The following RNF111 variants were observed in gnomAD, a reference collection of about 807,000 sequenced individuals.
RNF111 encodes the protein E3 ubiquitin-protein ligase Arkadia.
A neutral mutation model predicts 95.1 loss-of-function variants in RNF111; 17 were observed. The observed-to-expected ratio is 0.18, with a 90% CI of 0.12 to 0.27. The LOEUF is 0.27. RNF111 is among the 10% of genes least tolerant of loss of function. RNF111 has a pLI of 1.00. For synonymous variants in RNF111, 440 were observed against 414.8 expected (o/e 1.06, Z -0.74); for missense variants, 1,189 against 1,210.4 (o/e 0.98, Z 0.26).
chr15:59,021,116 T>G (rs1280825131), intron 1 of RNF111, among the ~76,000 whole-genome samples: 1 of 152,158 alleles, frequency 6.6e-6, no homozygotes, highest in African/African-American at 2.4e-5. Flanking sequence ...TATGCCTCTG[T>G]GTCCTCATAG....
chr15:59,007,958 C>T (rs1484829741), intron 1 of RNF111, among the ~76,000 whole-genome samples: 2 of 152,070 alleles, frequency 1.3e-5, no homozygotes, highest in African/African-American at 2.4e-5. Flanking sequence ...CCAGCTTGTC[C>T]TTTTGTTTTC....
intron 1 of RNF111, among the ~76,000 whole-genome samples, chr15:59,009,085 G>A (rs1455537059): frequency 6.6e-6 from 1 of 151,898 alleles, no homozygotes; most frequent in African/African-American, 2.4e-5. Context: ...TCAGCCTCCC[G>A]AGCAGCTGGG....
At chr15:59,020,794 G>A (rs1364042902) in intron 1 of RNF111, among the ~76,000 whole-genome samples, 3 of 152,138 alleles carry the variant, frequency 2.0e-5, no homozygotes, top group African/African-American at 7.2e-5. Context: ...CATAATAGAG[G>A]AAAGTCTGTA....
intron 12 of RNF111, 47 bp from the exon 13 acceptor site, chr15:59,092,490 A>C: frequency 1.3e-6 from 2 of 1,569,042 alleles, no homozygotes; most frequent in Non-Finnish European, 1.7e-6. Flanking sequence ...CAGTTGTTCA[A>C]TAATGTCATC....
intron 2 of RNF111, among the ~76,000 whole-genome samples, chr15:59,034,734 A>G (rs187771827): frequency 6.6e-6 from 1 of 152,366 alleles, no homozygotes; most frequent in African/African-American, 2.4e-5. Context: ...ATGATTTGGC[A>G]AAAAGTCTTA....
At chr15:58,998,346 C>G (rs117878467) in intron 1 of RNF111, among the ~76,000 whole-genome samples, 1 of 151,830 alleles carries the variant, frequency 6.6e-6, no homozygotes, top group Non-Finnish European at 1.5e-5. Context: ...TTTCACCACC[C>G]AGGTATTAAG....
At chr15:58,992,686 G>T (rs186757625) in intron 1 of RNF111, among the ~76,000 whole-genome samples, 7 of 152,152 alleles carry the variant, frequency 4.6e-5, no homozygotes, top group African/African-American at 1.7e-4. Context: ...CAGGCATAAT[G>T]GCACATGCCT....
At chr15:59,051,358 T>G (rs1216309241) in intron 2 of RNF111, among the ~76,000 whole-genome samples, 1 of 150,274 alleles carries the variant, frequency 6.7e-6, no homozygotes, top group South Asian at 2.1e-4. Context: ...CTCGGGAGGC[T>G]GAGGCAGGAG....
At chr15:59,053,921 CT>C (rs1156444260) in intron 3 of RNF111, among the ~76,000 whole-genome samples, 1 of 151,900 alleles carries the variant, frequency 6.6e-6, no homozygotes, top group Non-Finnish European at 1.5e-5. Flanking sequence ...GCTTTTTGCC[CT>C]TTAGTTTATT....
chr15:59,068,176 C>T (rs1488299541), intron 6 of RNF111, among the ~76,000 whole-genome samples: 8 of 151,574 alleles, frequency 5.3e-5, no homozygotes, highest in Non-Finnish European at 7.4e-5. Flanking sequence ...GCTGAGATCA[C>T]GCCATTGCAC....
chr15:59,096,266 T>A lies in RNF111; in HGVS notation c.*1366T>A, dbSNP rs2079175225. 2.6e-6 allele frequency: 1 copy of A among 388,218 alleles called. No homozygotes were observed. The highest frequency in any genetic ancestry group is 4.5e-6 in the Non-Finnish European group (1 of 219,788). 24.0% of individuals were successfully genotyped at this position (388,218 alleles called of 1,614,324 possible). On this transcript the variant is annotated 3_prime_UTR_variant, in exon 14 of 14. Transcript: ENST00000348370. ...GATAGCCTAATTTTATTTGTTTAAATATGCTTAATATGCCCCAGATTGCAA... is the reference window on the plus strand; with the variant it reads ...GATAGCCTAATTTTATTTGTTTAAAAATGCTTAATATGCCCCAGATTGCAA...
chr15:59,074,539 T>G (rs558442569), intron 6 of RNF111, among the ~76,000 whole-genome samples: 1 of 152,234 alleles, frequency 6.6e-6, no homozygotes, highest in South Asian at 2.1e-4. Flanking sequence ...TTCAGACTTT[T>G]CTTCTGCAGC....
At position 59,081,284 on chromosome 15, in the gene RNF111, C is replaced by T. The variant is rs751217679; in HGVS notation, c.2297C>T (p.Thr766Met). 9 of 1,611,526 alleles carry T rather than the reference C, an allele frequency of 5.6e-6. No homozygotes were observed. The highest frequency in any genetic ancestry group is 2.2e-5 in the East Asian group (1 of 44,856). Residue 766 changes from threonine to methionine, a missense_variant and splice_region_variant, in exon 8 of 14, where the codon ACG becomes ATG. Thr to Met is a moderately conservative substitution (Grantham distance 81). Transcript: ENST00000348370. ...VQRRRMMQHP[T>M]RAHERPPPHP... is the part of the protein sequence containing the mutation. ...AGGAGGAGGATGATGCAGCATCCAACGTATGTTTTACGTTTTTAAAAAGAA... is the reference window on the plus strand; with the variant it reads ...AGGAGGAGGATGATGCAGCATCCAATGTATGTTTTACGTTTTTAAAAAGAA...
intron 1 of RNF111, among the ~76,000 whole-genome samples, chr15:59,027,736 T>C (rs1164269913): frequency 6.6e-6 from 1 of 151,008 alleles, no homozygotes; most frequent in Non-Finnish European, 1.5e-5. Context: ...TTTCACCATG[T>C]TGGTCAGGCT....
chr15:59,081,082 C>T lies in RNF111; in HGVS notation c.2095C>T (p.His699Tyr), dbSNP rs1302862074. The change falls in exon 8 of 14, where the codon CAT becomes TAT. Residue 699 changes from histidine (H) to tyrosine (Y), a missense_variant. His to Tyr is a moderately conservative substitution (Grantham distance 83). Coordinates refer to ENST00000348370, the MANE Select transcript of RNF111 (RefSeq NM_017610.8). Reference sequence around the variant, plus strand: ...TGCTTTCCATTCTCAAATATCTTCTCATGCAACATCTCATCCTGTGGCACC... The same window carrying T: ...TGCTTTCCATTCTCAAATATCTTCTTATGCAACATCTCATCCTGTGGCACC... ...VHAFHSQISS[H>Y]ATSHPVAPPP... 4.3e-6 allele frequency: 7 copies of T among 1,614,002 alleles called. No individual in the cohort carries two copies. The African/African-American group carries it at 8.0e-5, about 18-fold the overall frequency.
At chr15:59,084,503 A>G in intron 9 of RNF111, 1 of 323,056 alleles carries the variant, frequency 3.1e-6, no homozygotes, top group Non-Finnish European at 5.6e-6. Flanking sequence ...GAAAAATAAT[A>G]ATTGTATATA....
chr15:59,094,655 G>C (rs763665306), intron 13 of RNF111, 128 bp from the exon 14 acceptor site: 5 of 609,200 alleles, frequency 8.2e-6, no homozygotes, highest in Non-Finnish European at 1.5e-5. Context: ...TAATCGATGT[G>C]TTTTTTATAG....
At chr15:59,079,227 AATG>A (rs1332717257) in intron 7 of RNF111, among the ~76,000 whole-genome samples, 1 of 152,248 alleles carries the variant, frequency 6.6e-6, no homozygotes, top group Non-Finnish European at 1.5e-5. Flanking sequence ...AATGTTGTAT[AATG>A]ATTACACAAA....
intron 10 of RNF111, among the ~76,000 whole-genome samples, chr15:59,087,549 G>A (rs1475228299): frequency 6.6e-6 from 1 of 152,098 alleles, no homozygotes; most frequent in Non-Finnish European, 1.5e-5. Flanking sequence ...GATAATGATA[G>A]TCTACAATAG....
Sources: gnomAD v4.1 joint callset for allele counts (sites outside exome capture counted in the v4.1 genomes callset) on GRCh38, gnomAD v4.1.1 for gene constraint, MANE v1.5 for transcripts, NCBI Gene and HGNC (gene_info 2026-07-23, HGNC 2026-07-21) for gene names.